Variants in DHPS observed in about 807,000 individuals in gnomAD.
DHPS encodes the protein deoxyhypusine synthase.
A neutral mutation model predicts 38.7 loss-of-function variants in DHPS; 24 were observed. That is an observed-to-expected ratio of 0.62 (90% confidence interval 0.45 to 0.87). DHPS has a LOEUF of 0.87. Ranked by LOEUF, DHPS falls within the 40% of genes least tolerant of loss-of-function variation. The pLI, the probability that DHPS is intolerant of heterozygous loss-of-function variation, is 0.00. For synonymous variants in DHPS, 250 were observed against 204.4 expected, an observed-to-expected ratio of 1.22 and a Z score of -1.90; for missense variants, 510 against 497.6, an observed-to-expected ratio of 1.02 and a Z score of -0.24.
rs768336549 is a variant in DHPS, at chr19:12,680,215, G to A, written c.318C>T (p.Asn106=). 4 of 1,614,086 alleles carry A rather than the reference G, an allele frequency of 2.5e-6. No individual in the cohort carries two copies. Among genetic ancestry groups the A allele is most frequent in the African/African-American group, 2.7e-5 (2 of 74,924 alleles). ...SCTIFLGYTS[N]LISSGIRETI... is the part of the protein sequence containing the mutation. ...TCTCACGGATGCCTGAACTGATGAG[G>A]TTGGATGTATATCCCAGGAAAATGG... Residue 106 remains asparagine (N), a synonymous_variant, in exon 2 of 9, where the codon AAC becomes AAT. Coordinates refer to ENST00000210060, the MANE Select transcript of DHPS (RefSeq NM_001930.4).
chr19:12,673,352 C>T (rs752652712), downstream of DHPS: 1 of 1,529,116 alleles, frequency 6.5e-7, no homozygotes, highest in East Asian at 2.3e-5. Context: ...TACCTAGATG[C>T]CTGCCCCATC....
chr19:12,676,104 G>C lies in DHPS; in HGVS notation c.927C>G (p.Ala309=). 6.2e-7 allele frequency: 1 copy of C among 1,613,826 alleles called. No homozygotes were observed. The highest frequency in any genetic ancestry group is 8.5e-7 in the Non-Finnish European group (1 of 1,179,944). ...GADYAVYINT[A]QEFDGSDSGA... ...CTGAGTCAGAGCCATCAAACTCCTG[G>C]GCTGTGTTGATGTAAACAGCGTAGT... is the stretch of plus-strand genomic sequence containing the variant. Residue 309 remains alanine, a synonymous_variant, in exon 8 of 9, where the codon GCC becomes GCG. Coordinates refer to ENST00000210060, the MANE Select transcript of DHPS (RefSeq NM_001930.4).
rs146526709 is a variant in DHPS, at chr19:12,680,080, C to G, written c.372+81G>C. 8.1e-5 allele frequency: 128 copies of G among 1,582,522 alleles called. No homozygotes were observed. In the African/African-American group the frequency reaches 1.6e-3, roughly 20 times the overall value. ...TCCTCTGCTTATAACAGACCCCTATCTGCCCATCTCACTTAAACGATCAAT... is the reference window on the plus strand; with the variant it reads ...TCCTCTGCTTATAACAGACCCCTATGTGCCCATCTCACTTAAACGATCAAT... On this transcript the variant is annotated intron_variant, in intron 2 of 8. Transcript: ENST00000210060.
chr19:12,677,579 T>C (rs574751661), intron 5 of DHPS, among the ~76,000 whole-genome samples, 183 bp from the exon 6 acceptor site: 2 of 152,098 alleles, frequency 1.3e-5, no homozygotes, highest in African/African-American at 4.8e-5. Flanking sequence ...AAACACTTAG[T>C]ATAGTGCCTG....
intron 5 of DHPS, among the ~76,000 whole-genome samples, chr19:12,678,995 A>G (rs1469188413): frequency 6.6e-6 from 1 of 151,550 alleles, no homozygotes; most frequent in East Asian, 2.0e-4. Flanking sequence ...GTGTGACTTC[A>G]GACAAAATTA....
Position 12,675,942 on chromosome 19 carries a change from G to C in DHPS, c.1015-9C>G, listed in dbSNP as rs145203481. The C allele has an allele frequency of 3.2e-5, 51 of 1,603,122 alleles. No individual in the cohort carries two copies. The East Asian group carries it at 1.1e-3, about 34-fold the overall frequency. ...GAGGCGTCAGCATAGACCTGGGTAG[G>C]GGGGAACCTGGGTAAGCCATGGGAC... On this transcript the variant is annotated splice_polypyrimidine_tract_variant and intron_variant, in intron 8 of 8. Transcript: ENST00000210060.
At chr19:12,679,228 G>A (rs2024716493) in intron 5 of DHPS, among the ~76,000 whole-genome samples, 1 of 151,926 alleles carries the variant, frequency 6.6e-6, no homozygotes, top group Admixed American at 6.6e-5. Context: ...GCCCCAGGAG[G>A]TTGAGGCTGC....
intron 2 of DHPS, 29 bp downstream of exon 2, chr19:12,680,132 C>T (rs2024751633): frequency 6.2e-7 from 1 of 1,612,186 alleles, no homozygotes; most frequent in Non-Finnish European, 8.5e-7. Context: ...GACCCAGAGG[C>T]CAAGGCCACG....
downstream of DHPS, among the ~76,000 whole-genome samples, chr19:12,675,297 C>T (rs2024540961): frequency 6.6e-6 from 1 of 152,118 alleles, no homozygotes; most frequent in African/African-American, 2.4e-5. Context: ...TAAGAGGCTC[C>T]CAAGACTTGC....
chr19:12,677,472 TGG>T, intron 5 of DHPS, 76 bp from the exon 6 acceptor site: 5 of 1,249,286 alleles, frequency 4.0e-6, no homozygotes, highest in Non-Finnish European at 2.3e-6. Flanking sequence ...TATCTGACTG[TGG>T]ATGGGGTGCC....
chr19:12,672,740 A>T, downstream of DHPS: 1 of 1,166,412 alleles, frequency 8.6e-7, no homozygotes, highest in Non-Finnish European at 1.2e-6. Context: ...TCAGAATTCC[A>T]CTCCTGTGCA....
intron 2 of DHPS, 45 bp from the exon 3 acceptor site, chr19:12,679,967 G>T: frequency 6.3e-7 from 1 of 1,588,910 alleles, no homozygotes. Context: ...GGAAGCCCCT[G>T]CCCTCATTCT....
downstream of DHPS, chr19:12,672,569 T>G: frequency 2.2e-6 from 1 of 458,748 alleles, no homozygotes; most frequent in Non-Finnish European, 4.0e-6. Context: ...GATCATGCCA[T>G]TGCACTCCAG....
At chr19:12,680,833 CTTTT>C (rs775520052) in intron 1 of DHPS, among the ~76,000 whole-genome samples, 3 of 119,606 alleles carry the variant, frequency 2.5e-5, no homozygotes, top group Admixed American at 8.4e-5. Flanking sequence ...CGTGCCCGGC[CTTTT>C]TTTTTTTTTT....
chr19:12,677,636 C>T (rs1056039157), intron 5 of DHPS, among the ~76,000 whole-genome samples: 1 of 151,920 alleles, frequency 6.6e-6, no homozygotes, highest in Non-Finnish European at 1.5e-5. Context: ...CTGTTTCTCT[C>T]TCTTTTTTTT....
downstream of DHPS, chr19:12,673,135 G>A (rs757413841): frequency 6.5e-5 from 105 of 1,611,946 alleles, no homozygotes; most frequent in Non-Finnish European, 8.5e-5. Context: ...TTGTGGTCGT[G>A]GGGATCCCCT....
downstream of DHPS, among the ~76,000 whole-genome samples, chr19:12,673,470 T>G (rs1446224605): frequency 7.2e-6 from 1 of 139,660 alleles, no homozygotes; most frequent in Non-Finnish European, 1.5e-5. Flanking sequence ...CAGGCTAGAG[T>G]GCAGTGGCGC....
At chr19:12,679,578 C>T in intron 4 of DHPS, 35 bp from the exon 5 acceptor site, 1 of 1,614,116 alleles carries the variant, frequency 6.2e-7, no homozygotes, top group Non-Finnish European at 8.5e-7. Context: ...CCATGCCTCC[C>T]CTGACTCCCA....
chr19:12,673,329 C>T (rs199815740), downstream of DHPS: 6 of 1,608,750 alleles, frequency 3.7e-6, no homozygotes, highest in African/African-American at 6.7e-5. Context: ...GAGGTGCCCC[C>T]AGCCCTACTT....
Sources: allele counts gnomAD v4.1 joint callset (sites outside exome capture counted in the v4.1 genomes callset), GRCh38; gene constraint gnomAD v4.1.1; transcripts MANE v1.5; gene names NCBI Gene and HGNC (gene_info 2026-07-23, HGNC 2026-07-21).